Variants in GCSAML observed in about 807,000 individuals in gnomAD.
The protein encoded by GCSAML is germinal center associated signaling and motility like, also known as germinal center-associated signaling and motility-like protein.
Under a neutral mutation model 13.0 loss-of-function variants are expected in GCSAML, and 9 were observed. That is an observed-to-expected ratio of 0.69 (90% confidence interval 0.42 to 1.21). The LOEUF is 1.21. Ranked by LOEUF, GCSAML falls within the 50% of genes most tolerant of loss-of-function variation. The probability of loss-of-function intolerance (pLI) is 0.00; values close to 1 mark genes in which losing one functional copy is unlikely to be tolerated. For synonymous variants in GCSAML, 37 were observed against 52.9 expected (o/e 0.70, Z 1.31); for missense variants, 143 against 153.4 (o/e 0.93, Z 0.36).
At chr1:247,547,398 T>A (rs1345544862), upstream of GCSAML, among the ~76,000 whole-genome samples, 2 of 152,158 alleles carry the variant, frequency 1.3e-5, no homozygotes, top group Non-Finnish European at 2.9e-5. Context: ...TATGCTAGGA[T>A]GGGACAGAAT....
intron 1 of GCSAML, among the ~76,000 whole-genome samples, chr1:247,511,216 T>A (rs567304989): frequency 6.6e-6 from 1 of 152,224 alleles, no homozygotes; most frequent in Middle Eastern, 3.2e-3. Context: ...ATTGGGTGCA[T>A]ATATATTCAG....
chr1:247,518,913 C>G (rs1446089936), intron 1 of GCSAML, among the ~76,000 whole-genome samples: 3 of 151,984 alleles, frequency 2.0e-5, no homozygotes, highest in African/African-American at 7.3e-5. Flanking sequence ...CGCTTGAGAC[C>G]AGGAGTTTGA....
Position 247,574,613 on chromosome 1 carries a change from G to T in GCSAML, c.*231G>T. On this transcript the variant is annotated 3_prime_UTR_variant, in exon 5 of 5. Coordinates refer to ENST00000366488, the MANE Select transcript of GCSAML (RefSeq NM_145278.5). ...TAAAATATTCTATGTGTTTTTGCTT[G>T]TAAAGTTTGAGGACATGGAGGTGAT... 1.9e-6 allele frequency: 1 copy of T among 513,134 alleles called. No individual in the cohort carries two copies. Among genetic ancestry groups the T allele is most frequent in the Non-Finnish European group, 3.4e-6 (1 of 297,366 alleles). 31.8% of individuals were successfully genotyped at this position (513,134 alleles called of 1,614,324 possible).
intron 2 of GCSAML, among the ~76,000 whole-genome samples, chr1:247,543,552 G>C (rs1437864715): frequency 4.6e-5 from 7 of 152,120 alleles, no homozygotes; most frequent in Non-Finnish European, 1.0e-4. Flanking sequence ...GCGGAACACT[G>C]TATTATAGTA....
chr1:247,521,325 GTCTCCC>G (rs149733655), intron 1 of GCSAML, among the ~76,000 whole-genome samples: 80,171 of 145,928 alleles, frequency 0.55, 23,719 homozygotes, highest in East Asian at 0.77. Context: ...TCCCTCTCCA[GTCTCCC>G]TCTCCCTCTC....
chr1:247,567,668 T>C (rs1668438188), intron 4 of GCSAML, among the ~76,000 whole-genome samples: 1 of 152,218 alleles, frequency 6.6e-6, no homozygotes, highest in African/African-American at 2.4e-5. Context: ...AGTAGAACGA[T>C]TTATAATCCT....
intron 2 of GCSAML, among the ~76,000 whole-genome samples, chr1:247,543,075 T>C (rs1572337199): frequency 1.3e-5 from 2 of 152,372 alleles, no homozygotes; most frequent in East Asian, 3.9e-4. Context: ...AGCACCAAGC[T>C]GGCCTTACTC....
At chr1:247,529,042 CATT>C (rs1209983306) in intron 2 of GCSAML, 21 of 152,242 alleles carry the variant, frequency 1.4e-4, no homozygotes, top group African/African-American at 2.9e-4. Flanking sequence ...ATGGGCTCAG[CATT>C]ATGACATTTC....
At chr1:247,521,363 CA>C (rs1184848115) in intron 1 of GCSAML, among the ~76,000 whole-genome samples, 3 of 53,354 alleles carry the variant, frequency 5.6e-5, no homozygotes, top group Non-Finnish European at 1.4e-4. Flanking sequence ...TCTCCCTCTC[CA>C]CGGTCTCCCT....
upstream of GCSAML, chr1:247,548,995 C>T (rs1336313069): frequency 1.4e-6 from 2 of 1,471,406 alleles, no homozygotes; most frequent in Non-Finnish European, 1.8e-6. This position sits in a 1 kb window ranked among gnomAD's most constrained non-coding sequence, Gnocchi z 5.3. Context: ...CTCACATTTT[C>T]CTTTCTGCCT....
chr1:247,538,820 A>G (rs4431880), intron 2 of GCSAML: 1 of 451,762 alleles, frequency 2.2e-6, no homozygotes, highest in Non-Finnish European at 4.4e-6. Context: ...GTTGCCCGCC[A>G]CCACCCAGTT....
chr1:247,532,287 G>A, intron 2 of GCSAML: 1 of 1,614,206 alleles, frequency 6.2e-7, no homozygotes, highest in Non-Finnish European at 8.5e-7. Flanking sequence ...CAATGCTCGT[G>A]GTGAAGCTCA....
chr1:247,536,582 T>G (rs1242442271), intron 2 of GCSAML: 2 of 152,192 alleles, frequency 1.3e-5, no homozygotes, highest in Non-Finnish European at 2.9e-5. Context: ...TTGTAACCCC[T>G]GGAGCCTTCA....
chr1:247,532,558 G>A (rs918845196), intron 2 of GCSAML: 1 of 1,565,976 alleles, frequency 6.4e-7, no homozygotes, highest in Non-Finnish European at 8.7e-7. Context: ...AAGAGCACAG[G>A]GCATACAGGG....
At chr1:247,565,230 T>C (rs1229883901) in intron 3 of GCSAML, among the ~76,000 whole-genome samples, 2 of 152,042 alleles carry the variant, frequency 1.3e-5, no homozygotes, top group Admixed American at 1.3e-4. Flanking sequence ...TGGTGGCATG[T>C]GCCTGTAGTC....
chr1:247,577,597 G>C lies in GCSAML; in HGVS notation c.*3215G>C, dbSNP rs895991995. The C allele has an allele frequency of 6.6e-6, 1 of 152,064 alleles. No individual in the cohort carries two copies. Among genetic ancestry groups the C allele is most frequent in the African/African-American group, 2.4e-5 (1 of 41,424 alleles). The allele number at this position is 152,064 out of a possible 1,614,324, so 9.4% of individuals were successfully genotyped here. A position where few individuals can be genotyped will look rare whatever the true frequency, so the allele number is the denominator to read the frequency against. On this transcript the variant is annotated 3_prime_UTR_variant, in exon 5 of 5. Transcript: ENST00000366488. ...TCACCATATAGATATACTATAATTT[G>C]TTAATCTAATCACTGATGGATATGT...
At chr1:247,522,414 G>A (rs1666483811) in intron 1 of GCSAML, among the ~76,000 whole-genome samples, 1 of 152,152 alleles carries the variant, frequency 6.6e-6, no homozygotes, top group Non-Finnish European at 1.5e-5. Flanking sequence ...TCTGGGAGGT[G>A]TACCCCACAG....
At chr1:247,559,761 G>A (rs1668062555) in intron 2 of GCSAML, among the ~76,000 whole-genome samples, 1 of 152,190 alleles carries the variant, frequency 6.6e-6, no homozygotes, top group Non-Finnish European at 1.5e-5. Context: ...TGTGAAGTCT[G>A]TCTTTGGCTT....
At chr1:247,515,213 CA>C (rs1046281130) in intron 1 of GCSAML, among the ~76,000 whole-genome samples, 2 of 152,156 alleles carry the variant, frequency 1.3e-5, no homozygotes, top group Non-Finnish European at 2.9e-5. Context: ...AGCCATTAGA[CA>C]AGGCAGCCAG....
Sources: allele counts gnomAD v4.1 joint callset (sites outside exome capture counted in the v4.1 genomes callset), GRCh38; gene constraint gnomAD v4.1.1; non-coding constraint Gnocchi (gnomAD v3.1); transcripts MANE v1.5; gene names NCBI Gene and HGNC (gene_info 2026-07-23, HGNC 2026-07-21).